Variants in HPSE2 observed in about 807,000 individuals in gnomAD.
HPSE2 encodes inactive heparanase-2.
In HPSE2, 38 loss-of-function variants were observed where a neutral mutation model predicts 60.5. The observed-to-expected ratio is 0.63, with a 90% CI of 0.48 to 0.82. The LOEUF is 0.82. HPSE2 is among the 40% of genes least tolerant of loss of function. HPSE2 has a pLI of 0.00. For synonymous variants in HPSE2, 295 were observed against 293.2 expected (o/e 1.01, Z -0.06); for missense variants, 713 against 740.4 (o/e 0.96, Z 0.43).
At chr10:98,685,601 G>T (rs1947894439) in intron 6 of HPSE2, among the ~76,000 whole-genome samples, 1 of 152,128 alleles carries the variant, frequency 6.6e-6, no homozygotes. Context: ...ATCTTGCTGA[G>T]TAGTATCCCT....
chr10:98,662,746 G>A (rs556639293), intron 6 of HPSE2, among the ~76,000 whole-genome samples: 2 of 152,296 alleles, frequency 1.3e-5, no homozygotes, highest in African/African-American at 4.8e-5. Context: ...AATGCACTTT[G>A]AGAAAACAAT....
rs113016145 is a variant in HPSE2 at position 98,913,991 on chromosome 10, G to GA, written c.611-169936dup. Among the ~76,000 whole-genome samples the GA allele has an allele frequency of 1.7e-3, 266 of 152,256 alleles. 1 individual carries two copies. Among genetic ancestry groups the GA allele is most frequent in the African/African-American group, 6.3e-3 (262 of 41,552 alleles). On this transcript the variant is annotated intron_variant, in intron 3 of 11. Transcript: ENST00000370552. The stretch of plus-strand genomic sequence containing the variant: ...TGAGGAAAATGAAATTTTAGAAGGT[G>GA]AAAATGGAGGATTTAGTACTATTCC...
chr10:98,544,369 G>C (rs552128453), intron 9 of HPSE2, among the ~76,000 whole-genome samples: 3 of 152,184 alleles, frequency 2.0e-5, no homozygotes, highest in African/African-American at 7.2e-5. Flanking sequence ...ATGCCCACAA[G>C]AGAAAGCAGG....
intron 9 of HPSE2, among the ~76,000 whole-genome samples, chr10:98,578,645 T>C (rs1015446804): frequency 1.3e-5 from 2 of 152,214 alleles, no homozygotes; most frequent in Non-Finnish European, 2.9e-5. Context: ...ATTAAAATTA[T>C]AAAATTACTT....
intron 3 of HPSE2, among the ~76,000 whole-genome samples, chr10:99,021,026 T>C (rs1957250124): frequency 6.6e-6 from 1 of 152,188 alleles, no homozygotes; most frequent in African/African-American, 2.4e-5. Flanking sequence ...ATGGTCCATT[T>C]ATTCCTTTCC....
In HPSE2 at chr10:98,654,835, C is replaced by T. The variant is rs372408366; in HGVS notation, c.1005-12895G>A. 6.6e-5 allele frequency among the ~76,000 whole-genome samples: 10 copies of T among 152,166 alleles called. No individual in the cohort carries two copies. The East Asian group carries it at 1.4e-3, about 21-fold the overall frequency. On this transcript the variant is annotated intron_variant, in intron 6 of 11. Transcript: ENST00000370552. The stretch of plus-strand genomic sequence containing the variant: ...AGGAACTGAGGAAAAAGACCTTTGG[C>T]GTGAGGTTTTGGGCGAGGAGTTGGA...
chr10:99,213,204 GA>G (rs1306214387), intron 2 of HPSE2, among the ~76,000 whole-genome samples: 1 of 150,966 alleles, frequency 6.6e-6, no homozygotes, highest in African/African-American at 2.4e-5. Context: ...TCTACCTTAA[GA>G]AAAAATAAGA....
At chr10:99,028,971 A>C (rs1313245371) in intron 3 of HPSE2, among the ~76,000 whole-genome samples, 3 of 152,200 alleles carry the variant, frequency 2.0e-5, no homozygotes. Context: ...ACCATATATA[A>C]AAATCAAATC....
chr10:99,127,189 A>T (rs1397977453), intron 3 of HPSE2, among the ~76,000 whole-genome samples: 1 of 152,244 alleles, frequency 6.6e-6, no homozygotes, highest in Non-Finnish European at 1.5e-5. Flanking sequence ...ATTGATTATT[A>T]AGCTACTCAA....
At chr10:98,729,807 A>G (rs953651092) in intron 4 of HPSE2, among the ~76,000 whole-genome samples, 2 of 152,110 alleles carry the variant, frequency 1.3e-5, no homozygotes, top group Non-Finnish European at 2.9e-5. Flanking sequence ...AGGAAGATAT[A>G]ACAATTAGAA....
intron 9 of HPSE2, among the ~76,000 whole-genome samples, chr10:98,581,801 T>C (rs1944805921): frequency 6.6e-6 from 1 of 152,252 alleles, no homozygotes; most frequent in Non-Finnish European, 1.5e-5. Context: ...AACAATCTTT[T>C]GTTGGTTCTA....
chr10:99,180,915 A>C (rs1373405902), intron 2 of HPSE2, among the ~76,000 whole-genome samples: 2 of 150,166 alleles, frequency 1.3e-5, no homozygotes, highest in Middle Eastern at 3.4e-3. Context: ...AAAAAAAAAA[A>C]AAACACAGAT....
At chr10:98,609,967 G>A (rs945251576) in intron 9 of HPSE2, among the ~76,000 whole-genome samples, 5 of 151,196 alleles carry the variant, frequency 3.3e-5, no homozygotes, top group East Asian at 2.0e-4. Flanking sequence ...TCAGCCTCTC[G>A]AGCAGCTAGG....
chr10:98,561,005 C>A (rs1159731735), intron 9 of HPSE2, among the ~76,000 whole-genome samples: 1 of 152,084 alleles, frequency 6.6e-6, no homozygotes, highest in Non-Finnish European at 1.5e-5. Flanking sequence ...AGAATTTACT[C>A]CTTTTACTTA....
Position 98,458,379 on chromosome 10 carries a change from T to G in HPSE2, c.*1195A>C, listed in dbSNP as rs1158516870. On this transcript the variant is annotated 3_prime_UTR_variant, in exon 12 of 12. Coordinates refer to ENST00000370552, the MANE Select transcript of HPSE2 (RefSeq NM_021828.5). ...CCTTGAATCATATAGAACGTCCTCA[T>G]CCCCCACTTCACACCTGCCCAACTC... 1 of 152,120 alleles carries G rather than the reference T, an allele frequency of 6.6e-6. No homozygotes were observed. The highest frequency in any genetic ancestry group is 1.5e-5 in the Non-Finnish European group (1 of 68,020). 9.4% of individuals were successfully genotyped at this position (152,120 alleles called of 1,614,324 possible).
chr10:98,578,426 C>T (rs1412284117), intron 9 of HPSE2, among the ~76,000 whole-genome samples: 1 of 152,128 alleles, frequency 6.6e-6, no homozygotes, highest in Admixed American at 6.6e-5. Context: ...ATCTTCTGGG[C>T]CACACTCCTG....
chr10:98,790,898 A>T (rs1005613811), intron 3 of HPSE2, among the ~76,000 whole-genome samples: 1 of 152,220 alleles, frequency 6.6e-6, no homozygotes, highest in African/African-American at 2.4e-5. Context: ...AAGATTAGAG[A>T]TAAGAAAAAG....
At chr10:99,160,095 T>C (rs1050135107) in intron 2 of HPSE2, among the ~76,000 whole-genome samples, 3 of 148,288 alleles carry the variant, frequency 2.0e-5, no homozygotes, top group African/African-American at 7.4e-5. Context: ...CAGCCAAGAA[T>C]GCACCACTGC....
intron 5 of HPSE2, among the ~76,000 whole-genome samples, chr10:98,707,235 T>C (rs895154079): frequency 8.5e-5 from 13 of 152,322 alleles, no homozygotes; most frequent in African/African-American, 2.6e-4. Context: ...CCACTGCTGG[T>C]AAATATATTC....
Sources: allele counts gnomAD v4.1 joint callset (sites outside exome capture counted in the v4.1 genomes callset), GRCh38; gene constraint gnomAD v4.1.1; transcripts MANE v1.5; gene names NCBI Gene and HGNC (gene_info 2026-07-23, HGNC 2026-07-21).